ANKRD44: variants seen among roughly 807,000 people sequenced by gnomAD.
The protein encoded by ANKRD44 is serine/threonine-protein phosphatase 6 regulatory ankyrin repeat subunit B.
In ANKRD44, 35 loss-of-function variants were observed where a neutral mutation model predicts 116.0. The ratio of observed to expected loss-of-function variants is 0.30; its 90% CI spans 0.23 to 0.40. The LOEUF (loss-of-function observed/expected upper bound fraction) is 0.40, where lower values mean the gene tolerates loss of function less well. ANKRD44 is among the 10% of genes least tolerant of loss of function. The pLI is 1.00. For synonymous variants in ANKRD44, 435 were observed against 461.8 expected (o/e 0.94, Z 0.74); for missense variants, 1,014 against 1,242.6 (o/e 0.82, Z 2.77).
chr2:197,165,162 G>A (rs1329575571), intron 2 of ANKRD44, among the ~76,000 whole-genome samples: 1 of 152,178 alleles, frequency 6.6e-6, no homozygotes, highest in African/African-American at 2.4e-5. Context: ...TCCTCAACAC[G>A]CCCCTTCTGG....
intron 10 of ANKRD44, among the ~76,000 whole-genome samples, chr2:197,092,560 G>A (rs746228738): frequency 6.6e-5 from 10 of 151,968 alleles, no homozygotes; most frequent in African/African-American, 2.2e-4. Context: ...GGTTTTATTC[G>A]GTCTTCCCTC....
At chr2:197,249,726 T>C (rs998100237) in intron 1 of ANKRD44, among the ~76,000 whole-genome samples, 2 of 152,244 alleles carry the variant, frequency 1.3e-5, no homozygotes, top group Admixed American at 6.5e-5. Context: ...AGCATTTATT[T>C]TGAGAATATT....
chr2:197,296,213 A>G (rs985926832), intron 1 of ANKRD44: 1 of 152,038 alleles, frequency 6.6e-6, no homozygotes, highest in Admixed American at 6.6e-5. Context: ...CTGACTTCCC[A>G]CTGTGTAAAA....
intron 1 of ANKRD44, among the ~76,000 whole-genome samples, chr2:197,261,698 G>A (rs2082609911): frequency 6.6e-6 from 1 of 152,172 alleles, no homozygotes; most frequent in African/African-American, 2.4e-5. Flanking sequence ...TCTGAAAAGT[G>A]TTTAAGGAGT....
At chr2:197,244,787 A>G (rs1265499207) in intron 1 of ANKRD44, among the ~76,000 whole-genome samples, 2 of 152,178 alleles carry the variant, frequency 1.3e-5, no homozygotes, top group African/African-American at 4.8e-5. Flanking sequence ...TTAGCTATGT[A>G]TCTCCGTGTT....
chr2:197,061,446 G>A (rs1373598561), intron 16 of ANKRD44, among the ~76,000 whole-genome samples: 1 of 152,186 alleles, frequency 6.6e-6, no homozygotes, highest in African/African-American at 2.4e-5. Flanking sequence ...GGACACCTGT[G>A]ACCAAACAGC....
intron 2 of ANKRD44, among the ~76,000 whole-genome samples, chr2:197,168,452 C>CA (rs745462843): frequency 3.9e-5 from 6 of 152,156 alleles, no homozygotes; most frequent in Non-Finnish European, 7.4e-5. Flanking sequence ...TTAAAATATA[C>CA]AGGGGACTCT....
chr2:197,310,258 C>G (rs2084208296), intron 1 of ANKRD44, among the ~76,000 whole-genome samples: 1 of 150,818 alleles, frequency 6.6e-6, no homozygotes, highest in Non-Finnish European at 1.5e-5. Flanking sequence ...GTGCGAGTCC[C>G]GAGAGCACCT....
chr2:197,028,333 C>T (rs1456006360), intron 16 of ANKRD44, among the ~76,000 whole-genome samples: 3 of 152,062 alleles, frequency 2.0e-5, no homozygotes, highest in Non-Finnish European at 4.4e-5. Flanking sequence ...AGTGATCCTC[C>T]CACCTCAGCC....
In ANKRD44 at chr2:197,061,750, A is replaced by G. The variant is rs149379823; in HGVS notation, c.1650+16953T>C. Among the ~76,000 whole-genome samples the G allele has an allele frequency of 3.0e-3, 454 of 149,478 alleles. 4 individuals are homozygous for G. Among genetic ancestry groups the G allele is most frequent in the African/African-American group, 0.011 (434 of 40,820 alleles). On this transcript the variant is annotated intron_variant, in intron 16 of 27. Coordinates refer to ENST00000282272, the MANE Select transcript of ANKRD44 (RefSeq NM_001195144.2). ...TGGCATATTTTTTACCTCCCAAACT[A>G]GGTTATAATCTCCTTGAAAGTAATA...
intron 2 of ANKRD44, among the ~76,000 whole-genome samples, chr2:197,173,972 G>A (rs2080301984): frequency 6.6e-6 from 1 of 152,180 alleles, no homozygotes; most frequent in African/African-American, 2.4e-5. Flanking sequence ...GGCAGAGGTT[G>A]CAGTGAGCTG....
chr2:197,280,045 A>C (rs2083218368), intron 1 of ANKRD44, among the ~76,000 whole-genome samples: 1 of 152,152 alleles, frequency 6.6e-6, no homozygotes, highest in Admixed American at 6.5e-5. Context: ...AAACCACCTT[A>C]TCTCTCTCTT....
chr2:197,035,978 A>G (rs2076799322), intron 16 of ANKRD44, among the ~76,000 whole-genome samples: 1 of 152,020 alleles, frequency 6.6e-6, no homozygotes, highest in Non-Finnish European at 1.5e-5. Context: ...GCATATCCAC[A>G]AAGAACCTCA....
chr2:197,015,977 G>C (rs922456924), intron 17 of ANKRD44: 6 of 542,982 alleles, frequency 1.1e-5, no homozygotes, highest in Non-Finnish European at 2.2e-5. Context: ...GGTTGGGTCT[G>C]GTGGTGGAAG....
intron 16 of ANKRD44, among the ~76,000 whole-genome samples, chr2:197,042,548 A>G (rs1014607820): frequency 2.6e-5 from 4 of 151,090 alleles, no homozygotes; most frequent in African/African-American, 7.3e-5. Context: ...AGGCCTCCAT[A>G]TTTAAAGAAC....
At chr2:197,118,440 A>G (rs2078763376) in intron 8 of ANKRD44, among the ~76,000 whole-genome samples, 1 of 151,334 alleles carries the variant, frequency 6.6e-6, no homozygotes, top group African/African-American at 2.4e-5. Context: ...AAATACAAAA[A>G]TTAGCTGGGC....
chr2:197,307,691 A>G (rs2084115281), intron 1 of ANKRD44, among the ~76,000 whole-genome samples: 1 of 152,126 alleles, frequency 6.6e-6, no homozygotes, highest in Admixed American at 6.5e-5. Flanking sequence ...CTGCTGAAGT[A>G]GTGTCTGCTT....
intron 9 of ANKRD44, among the ~76,000 whole-genome samples, chr2:197,108,871 C>CAACAACAAA (rs936579634): frequency 2.7e-5 from 4 of 150,566 alleles, no homozygotes; most frequent in African/African-American, 9.8e-5. Flanking sequence ...ACAACAACAA[C>CAACAACAAA]AAAAACACAA....
chr2:197,114,815 T>G (rs755432908), intron 8 of ANKRD44, among the ~76,000 whole-genome samples: 1 of 152,206 alleles, frequency 6.6e-6, no homozygotes, highest in African/African-American at 2.4e-5. Context: ...GTCTTCCTAA[T>G]TCAATGCAAG....
Sources: allele counts gnomAD v4.1 joint callset (sites outside exome capture counted in the v4.1 genomes callset), GRCh38; gene constraint gnomAD v4.1.1; transcripts MANE v1.5; gene names NCBI Gene and HGNC (gene_info 2026-07-23, HGNC 2026-07-21).